FLRT1: variants seen among roughly 807,000 people sequenced by gnomAD.
The protein encoded by FLRT1 is fibronectin leucine rich transmembrane protein 1, also known as leucine-rich repeat transmembrane protein FLRT1.
A neutral mutation model predicts 30.9 loss-of-function variants in FLRT1; 14 were observed. The observed-to-expected ratio is 0.45, with a 90% confidence interval of 0.30 to 0.71. The LOEUF (loss-of-function observed/expected upper bound fraction) is 0.71, where lower values mean the gene tolerates loss of function less well. FLRT1 is among the 30% of genes least tolerant of loss of function. FLRT1 has a pLI of 0.08. For synonymous variants in FLRT1, 368 were observed against 430.4 expected, an observed-to-expected ratio of 0.85 and a Z score of 1.80; for missense variants, 737 against 949.2, an observed-to-expected ratio of 0.78 and a Z score of 2.94.
At position 64,116,891 on chromosome 11, in the gene FLRT1, C is replaced by T. The variant is rs1349985431; in HGVS notation, c.624C>T (p.Asn208=). 4 of 1,611,582 alleles carry T rather than the reference C, an allele frequency of 2.5e-6. No homozygotes were observed. The highest frequency in any genetic ancestry group is 1.7e-5 in the Admixed American group (1 of 60,012). ...TGGAGGAGCTGCGGCTGGATGACAA[C>T]CGCATCTCCACCATCCCGCTGCATG... is the stretch of plus-strand genomic sequence containing the variant. ...HTLEELRLDD[N]RISTIPLHAF... Residue 208 remains asparagine (N), a synonymous_variant, in exon 3 of 3, where the codon AAC becomes AAT. Transcript: ENST00000682287.
chr11:64,116,675 C>T lies in FLRT1; in HGVS notation c.408C>T (p.Asp136=). The T allele has an allele frequency of 6.2e-7, 1 of 1,613,984 alleles. No individual in the cohort carries two copies. Among genetic ancestry groups the T allele is most frequent in the Non-Finnish European group, 8.5e-7 (1 of 1,180,024 alleles). ...CCCTCCGGGAGCTGCACCTGCAGGA[C>T]AACAATGTGCGCACCATTGCCAGGG... ...PRSLRELHLQ[D]NNVRTIARDS... Residue 136 remains aspartate (D), a synonymous_variant, in exon 3 of 3, where the codon GAC becomes GAT. Transcript: ENST00000682287.
chr11:64,104,880 G>A (rs1307470017), intron 2 of FLRT1, among the ~76,000 whole-genome samples: 1 of 152,206 alleles, frequency 6.6e-6, no homozygotes, highest in Non-Finnish European at 1.5e-5. Flanking sequence ...GGGATCCCAG[G>A]AGGCCAGAGG....
At chr11:64,108,074 G>A (rs1184804010) in intron 2 of FLRT1, among the ~76,000 whole-genome samples, 1 of 152,158 alleles carries the variant, frequency 6.6e-6, no homozygotes, top group African/African-American at 2.4e-5. Context: ...AGCACTTTGG[G>A]AGGCCGAGGC....
chr11:64,045,653 T>C (rs1943570887), intron 1 of FLRT1, among the ~76,000 whole-genome samples: 1 of 152,176 alleles, frequency 6.6e-6, no homozygotes, highest in South Asian at 2.1e-4. Flanking sequence ...GAGAGACTGC[T>C]CCTGGGGTCT....
chr11:64,084,852 G>A (rs527720187), intron 1 of FLRT1, among the ~76,000 whole-genome samples: 2 of 152,296 alleles, frequency 1.3e-5, no homozygotes, highest in Non-Finnish European at 2.9e-5. Flanking sequence ...CGGGAGGGGC[G>A]CAAGACCACA....
intron 1 of FLRT1, among the ~76,000 whole-genome samples, 179 bp from the exon 2 acceptor site, chr11:64,103,015 G>A (rs1944697003): frequency 6.6e-6 from 1 of 151,774 alleles, no homozygotes; most frequent in African/African-American, 2.4e-5. Flanking sequence ...AGGTCGCAGT[G>A]AGCCGAGATT....
At chr11:64,050,531 CA>C (rs1047449757) in intron 1 of FLRT1, among the ~76,000 whole-genome samples, 1 of 152,176 alleles carries the variant, frequency 6.6e-6, no homozygotes, top group Non-Finnish European at 1.5e-5. Context: ...CTTCTGTTCC[CA>C]AGGGTCACCT....
intron 1 of FLRT1, among the ~76,000 whole-genome samples, chr11:64,048,673 A>G (rs2134406121): frequency 6.9e-6 from 1 of 143,914 alleles, no homozygotes; most frequent in Non-Finnish European, 1.5e-5. Flanking sequence ...AAGCAGCCCT[A>G]CAAAGTGCCT....
At chr11:64,041,090 C>T (rs1182659895) in intron 1 of FLRT1, among the ~76,000 whole-genome samples, 1 of 151,224 alleles carries the variant, frequency 6.6e-6, no homozygotes, top group Non-Finnish European at 1.5e-5. Context: ...CATTCCTGCC[C>T]GCGTCACTCT....
intron 2 of FLRT1, among the ~76,000 whole-genome samples, chr11:64,114,589 T>C (rs1944940137): frequency 7.1e-6 from 1 of 140,718 alleles, no homozygotes; most frequent in Non-Finnish European, 1.5e-5. Context: ...AGATGCATGA[T>C]GGAAGGATGG....
intron 2 of FLRT1, among the ~76,000 whole-genome samples, chr11:64,110,042 C>T (rs1944832736): frequency 6.6e-6 from 1 of 152,122 alleles, no homozygotes; most frequent in East Asian, 1.9e-4. Context: ...GTACTCTGCA[C>T]ATATAATGTC....
chr11:64,082,337 G>C lies in FLRT1; in HGVS notation c.-1037-20857G>C, dbSNP rs1005741512. On this transcript the variant is annotated intron_variant, in intron 1 of 2. Transcript: ENST00000682287. This position sits in a 1 kb window ranked among gnomAD's most constrained non-coding sequence, Gnocchi z 4.5. The stretch of plus-strand genomic sequence containing the variant: ...CGCTGGGTGGAGGATGATCCGGGGG[G>C]ACCGTGGAAGGCAGGACGGGGGCCA... Among the ~76,000 whole-genome samples, 1 of 152,028 alleles carries C rather than the reference G, an allele frequency of 6.6e-6. No individual in the cohort carries two copies. The highest frequency in any genetic ancestry group is 1.5e-5 in the Non-Finnish European group (1 of 67,982).
intron 1 of FLRT1, among the ~76,000 whole-genome samples, chr11:64,039,582 A>G (rs1232370906): frequency 1.3e-5 from 2 of 152,096 alleles, no homozygotes; most frequent in Admixed American, 1.3e-4. Context: ...AGGAGACGGG[A>G]AAAGGACAGC....
chr11:64,054,703 A>T (rs547541806), intron 1 of FLRT1, among the ~76,000 whole-genome samples: 2 of 152,062 alleles, frequency 1.3e-5, no homozygotes, highest in Admixed American at 1.3e-4. Context: ...ATTCCCCTCT[A>T]TCTTGCTCCC....
At chr11:64,105,368 C>T (rs1283851958) in intron 2 of FLRT1, among the ~76,000 whole-genome samples, 6 of 152,210 alleles carry the variant, frequency 3.9e-5, no homozygotes, top group Non-Finnish European at 7.3e-5. Flanking sequence ...TGCTCAGTGG[C>T]TCTGTGCAAA....
At chr11:64,039,257 G>C (rs1332311817) in intron 1 of FLRT1, among the ~76,000 whole-genome samples, 1 of 152,134 alleles carries the variant, frequency 6.6e-6, no homozygotes, top group Non-Finnish European at 1.5e-5. Context: ...GGTGTGGCGA[G>C]GGTGCTAACT....
intron 1 of FLRT1, among the ~76,000 whole-genome samples, chr11:64,050,721 C>T (rs748529944): frequency 5.9e-5 from 9 of 152,182 alleles, no homozygotes; most frequent in Non-Finnish European, 8.8e-5. Flanking sequence ...CGGGTTCAAG[C>T]GATTCTCCTG....
chr11:64,079,574 G>A (rs950477904), intron 1 of FLRT1, among the ~76,000 whole-genome samples: 27 of 152,320 alleles, frequency 1.8e-4, no homozygotes, highest in Non-Finnish European at 3.8e-4. Flanking sequence ...GGCACAGAGA[G>A]GAGTCCAGGG....
intron 2 of FLRT1, among the ~76,000 whole-genome samples, chr11:64,108,197 C>T (rs1018131719): frequency 2.6e-5 from 4 of 151,904 alleles, no homozygotes; most frequent in African/African-American, 9.7e-5. Context: ...CCTGTAATCA[C>T]AGCTACGCGG....
Sources: allele counts gnomAD v4.1 joint callset (sites outside exome capture counted in the v4.1 genomes callset), GRCh38; gene constraint gnomAD v4.1.1; non-coding constraint Gnocchi (gnomAD v3.1); transcripts MANE v1.5; gene names NCBI Gene and HGNC (gene_info 2026-07-23, HGNC 2026-07-21).